Variants in LINGO2 observed in about 807,000 individuals in gnomAD.
LINGO2 encodes leucine rich repeat and Ig domain containing 2.
In LINGO2, 14 loss-of-function variants were observed where a neutral mutation model predicts 30.6. The ratio of observed to expected loss-of-function variants is 0.46; its 90% CI spans 0.30 to 0.72. The LOEUF (loss-of-function observed/expected upper bound fraction) is 0.72, where lower values mean the gene tolerates loss of function less well. LINGO2 is among the 30% of genes least tolerant of loss of function. The pLI, the probability that LINGO2 is intolerant of heterozygous loss-of-function variation, is 0.07. For synonymous variants in LINGO2, 317 were observed against 288.5 expected, an observed-to-expected ratio of 1.10 and a Z score of -1.00; for missense variants, 729 against 751.7, an observed-to-expected ratio of 0.97 and a Z score of 0.35.
At chr9:28,160,174 T>C (rs1828245971) in intron 4 of LINGO2, among the ~76,000 whole-genome samples, 1 of 152,170 alleles carries the variant, frequency 6.6e-6, no homozygotes, top group African/African-American at 2.4e-5. Context: ...TTCTGCTAGA[T>C]AAGAGAGATC....
At chr9:28,107,877 ACTG>A (rs558215573) in intron 4 of LINGO2, among the ~76,000 whole-genome samples, 113 of 152,258 alleles carry the variant, frequency 7.4e-4, no homozygotes, top group African/African-American at 2.6e-3. Flanking sequence ...ATTCATAGCT[ACTG>A]CAACCTCCCT....
chr9:28,755,174 GAATA>G, the LINGO2 span, among the ~76,000 whole-genome samples: 1 of 151,962 alleles, frequency 6.6e-6, no homozygotes, highest in African/African-American at 2.4e-5. Context: ...CTTTTTATTA[GAATA>G]AATTACAAAA....
chr9:28,490,975 A>AG (rs1426241955), intron 1 of LINGO2, among the ~76,000 whole-genome samples: 1 of 152,246 alleles, frequency 6.6e-6, no homozygotes, highest in Non-Finnish European at 1.5e-5. Flanking sequence ...TCAAAACCAA[A>AG]GAGAAAACAA....
At chr9:28,229,800 C>T (rs141155879) in intron 4 of LINGO2, among the ~76,000 whole-genome samples, 11 of 151,900 alleles carry the variant, frequency 7.2e-5, no homozygotes, top group African/African-American at 2.4e-4. Context: ...GAGGAATAAA[C>T]GCTGAACTTT....
chr9:28,208,863 G>A (rs971749342), intron 4 of LINGO2, among the ~76,000 whole-genome samples: 7 of 151,844 alleles, frequency 4.6e-5, no homozygotes, highest in African/African-American at 1.7e-4. Context: ...CTTTTCCTCT[G>A]CTCTGCTAAG....
At chr9:28,944,706 G>A in the LINGO2 span, among the ~76,000 whole-genome samples, 5 of 152,152 alleles carry the variant, frequency 3.3e-5, no homozygotes, top group South Asian at 2.1e-4. Context: ...ACACCTGGCC[G>A]CTTTTGTTCT....
the LINGO2 span, among the ~76,000 whole-genome samples, chr9:28,853,059 T>G: frequency 2.0e-5 from 3 of 152,042 alleles, no homozygotes; most frequent in Non-Finnish European, 2.9e-5. Flanking sequence ...CCTGGAGCCA[T>G]GTGGCTCCCA....
chr9:28,454,357 A>G (rs1250802234), intron 2 of LINGO2, among the ~76,000 whole-genome samples: 2 of 152,158 alleles, frequency 1.3e-5, no homozygotes, highest in Admixed American at 6.6e-5. Context: ...GGAAAAAAGC[A>G]CACACATACA....
chr9:28,831,233 C>T, the LINGO2 span, among the ~76,000 whole-genome samples: 1 of 152,136 alleles, frequency 6.6e-6, no homozygotes, highest in African/African-American at 2.4e-5. Context: ...CTACTGAATA[C>T]ATATGAAGTA....
At chr9:29,003,852 G>C in the LINGO2 span, among the ~76,000 whole-genome samples, 4 of 151,992 alleles carry the variant, frequency 2.6e-5, no homozygotes, top group Non-Finnish European at 5.9e-5. Context: ...GAGAGAATCT[G>C]TATCACTAGA....
chr9:28,358,306 A>G (rs1820310188), intron 3 of LINGO2, among the ~76,000 whole-genome samples: 2 of 152,164 alleles, frequency 1.3e-5, no homozygotes, highest in Admixed American at 1.3e-4. Flanking sequence ...CACAGCTAGT[A>G]AGTAAATTCT....
At position 28,328,036 on chromosome 9, in the gene LINGO2, A is replaced by C. The variant is rs1051040908; in HGVS notation, c.-245-32670T>G. On this transcript the variant is annotated intron_variant, in intron 3 of 5. Coordinates refer to ENST00000379992, the Ensembl canonical transcript of LINGO2. ...ACTTTTGGACCCTGTGAATGTGTGC[A>C]TCAGAAAGCTCTTAGCAGGAGCGAG... Among the ~76,000 whole-genome samples, 12 of 152,292 alleles carry C rather than the reference A, an allele frequency of 7.9e-5. No individual in the cohort carries two copies. In the East Asian group the frequency reaches 2.3e-3, roughly 29 times the overall value.
the LINGO2 span, among the ~76,000 whole-genome samples, chr9:29,097,205 G>T: frequency 3.6e-5 from 5 of 138,530 alleles, no homozygotes; most frequent in African/African-American, 1.3e-4. Context: ...AGAGGATTTT[G>T]TAAACATCAT....
the LINGO2 span, among the ~76,000 whole-genome samples, chr9:28,780,828 TAATGTGTGTG>T: frequency 4.3e-5 from 6 of 139,442 alleles, no homozygotes; most frequent in Non-Finnish European, 6.1e-5. Context: ...ATCTTGGTAG[TAATGTGTGTG>T]TGTGTGTGTG....
intron 2 of LINGO2, among the ~76,000 whole-genome samples, chr9:28,466,777 C>G (rs990412349): frequency 7.2e-5 from 11 of 152,160 alleles, no homozygotes; most frequent in African/African-American, 2.4e-4. Flanking sequence ...TTCCATTTCA[C>G]TAAAAGTGTG....
At chr9:28,774,580 C>T in the LINGO2 span, among the ~76,000 whole-genome samples, 5 of 148,016 alleles carry the variant, frequency 3.4e-5, no homozygotes, top group African/African-American at 1.3e-4. Flanking sequence ...GATATCTTGT[C>T]AGCTCTGAAC....
intron 4 of LINGO2, among the ~76,000 whole-genome samples, chr9:28,050,035 G>A (rs116348040): frequency 0.01 from 1,530 of 150,812 alleles, 106 homozygotes; most frequent in African/African-American, 0.035. Flanking sequence ...GAATGGAAAT[G>A]AGGAAATGGT....
At chr9:28,307,603 T>C (rs1041108230) in intron 3 of LINGO2, among the ~76,000 whole-genome samples, 1 of 152,070 alleles carries the variant, frequency 6.6e-6, no homozygotes, top group African/African-American at 2.4e-5. Flanking sequence ...GAGAAGGAAA[T>C]AAAGGGTATT....
At chr9:28,506,399 CATATAT>C (rs371821368) in intron 1 of LINGO2, among the ~76,000 whole-genome samples, 13 of 26,144 alleles carry the variant, frequency 5.0e-4, no homozygotes, top group African/African-American at 7.7e-4. Flanking sequence ...GCTTCTTAGA[CATATAT>C]ATATATATAT....
Sources: gnomAD v4.1 joint callset for allele counts (sites outside exome capture counted in the v4.1 genomes callset) on GRCh38, gnomAD v4.1.1 for gene constraint, MANE v1.5 for transcripts, NCBI Gene and HGNC (gene_info 2026-07-23, HGNC 2026-07-21) for gene names.